Variants in KAZN observed in about 807,000 individuals in gnomAD.
KAZN encodes the protein kazrin, periplakin interacting protein, also known as kazrin.
A neutral mutation model predicts 87.4 loss-of-function variants in KAZN; 40 were observed. The observed-to-expected ratio is 0.46, with a 90% CI of 0.36 to 0.60. The LOEUF (loss-of-function observed/expected upper bound fraction) is 0.60. KAZN is among the 20% of genes least tolerant of loss of function. KAZN has a pLI of 0.00. For missense variants in KAZN, 898 were observed against 1,073.9 expected (o/e 0.84, Z 2.29); for synonymous variants, 466 against 458.3 (o/e 1.02, Z -0.22).
chr1:14,518,334 G>A (rs10927457), intron 2 of KAZN, among the ~76,000 whole-genome samples: 58,988 of 151,416 alleles, frequency 0.39, 12,266 homozygotes, highest in South Asian at 0.62. Context: ...GCACCACCAC[G>A]CCCAGCTAAT....
At position 14,384,828 on chromosome 1, in the gene KAZN, C is replaced by T. The variant is rs1165231206; in HGVS notation, c.249+204236C>T. 2.6e-5 allele frequency among the ~76,000 whole-genome samples: 4 copies of T among 151,896 alleles called. No homozygotes were observed. The East Asian group carries it at 5.8e-4, about 22-fold the overall frequency. On this transcript the variant is annotated intron_variant, in intron 2 of 16. Coordinates refer to the KAZN transcript ENST00000636203. ...TTTGGTATCAGGATGATGCTGGCCT[C>T]ATAAAATGAGTTAGGGAGGAATCCC...
At chr1:14,283,559 A>G (rs1417911047) in intron 2 of KAZN, among the ~76,000 whole-genome samples, 2 of 152,222 alleles carry the variant, frequency 1.3e-5, no homozygotes, top group African/African-American at 4.8e-5. Context: ...CACACTCACT[A>G]GGATGGTTAT....
chr1:14,050,127 T>C (rs1642256687), intron 1 of KAZN, among the ~76,000 whole-genome samples: 2 of 151,482 alleles, frequency 1.3e-5, no homozygotes, highest in Admixed American at 1.3e-4. Flanking sequence ...TGGGCATGCA[T>C]GTGCACATGT....
Position 14,399,573 on chromosome 1 carries a change from G to A in KAZN, c.250-199410G>A, listed in dbSNP as rs567705661. ...ATCCCAAGCTTTGAGATGGGCTCACGAGTCACCTGGGGGCGTGTACTGGGT... is the reference window on the plus strand; with the variant it reads ...ATCCCAAGCTTTGAGATGGGCTCACAAGTCACCTGGGGGCGTGTACTGGGT... On this transcript the variant is annotated intron_variant, in intron 2 of 16. Coordinates refer to the KAZN transcript ENST00000636203. 1.1e-4 allele frequency among the ~76,000 whole-genome samples: 17 copies of A among 152,182 alleles called. No homozygotes were observed. In the East Asian group the frequency reaches 2.5e-3, roughly 23 times the overall value.
At chr1:14,102,437 T>C (rs188178552) in intron 1 of KAZN, among the ~76,000 whole-genome samples, 2 of 151,966 alleles carry the variant, frequency 1.3e-5, no homozygotes, top group African/African-American at 4.8e-5. Context: ...CCCCTCCTGG[T>C]TGCATCTGAT....
intron 1 of KAZN, chr1:14,930,105 C>T: frequency 1.0e-6 from 1 of 984,294 alleles, no homozygotes; most frequent in Middle Eastern, 5.2e-4. Flanking sequence ...CTGGCCTAAG[C>T]AGCGGGGAGC....
At chr1:14,014,421 A>G (rs777895915) in intron 1 of KAZN, among the ~76,000 whole-genome samples, 2 of 152,048 alleles carry the variant, frequency 1.3e-5, no homozygotes, top group East Asian at 3.9e-4. Context: ...CTGGTTAAGA[A>G]GGAGAGGATG....
chr1:13,904,661 T>A (rs908414349), intron 1 of KAZN, among the ~76,000 whole-genome samples: 6 of 152,162 alleles, frequency 3.9e-5, no homozygotes, highest in African/African-American at 1.2e-4. Context: ...CTGTAGGTGA[T>A]CTCTCTTTTC....
At chr1:14,000,218 A>T (rs907634195) in intron 1 of KAZN, among the ~76,000 whole-genome samples, 14 of 152,226 alleles carry the variant, frequency 9.2e-5, no homozygotes, top group South Asian at 2.1e-4. Flanking sequence ...CATCATCCTG[A>T]TACCAAAACC....
intron 2 of KAZN, among the ~76,000 whole-genome samples, chr1:14,196,018 A>T (rs906108587): frequency 1.3e-5 from 2 of 152,184 alleles, no homozygotes; most frequent in Non-Finnish European, 2.9e-5. Context: ...AGGCCTTAAA[A>T]AACTAAGAGA....
At chr1:14,081,457 C>G (rs547052971) in intron 1 of KAZN, among the ~76,000 whole-genome samples, 6 of 152,180 alleles carry the variant, frequency 3.9e-5, no homozygotes, top group African/African-American at 9.6e-5. Context: ...GCCAATGGGT[C>G]AAATCTCATC....
At chr1:14,640,579 T>A (rs534581551) in intron 1 of KAZN, among the ~76,000 whole-genome samples, 4 of 152,304 alleles carry the variant, frequency 2.6e-5, no homozygotes, top group Admixed American at 2.6e-4. Context: ...TTTCCAGAAG[T>A]ACTCATCCAG....
chr1:14,399,615 C>T (rs1663212240), intron 2 of KAZN, among the ~76,000 whole-genome samples: 1 of 152,122 alleles, frequency 6.6e-6, no homozygotes, highest in African/African-American at 2.4e-5. Context: ...ACGTAACCAT[C>T]TCAAAACTCT....
At chr1:14,241,196 T>C (rs12024171) in intron 2 of KAZN, among the ~76,000 whole-genome samples, 41,903 of 152,128 alleles carry the variant, frequency 0.28, 6,207 homozygotes, top group East Asian at 0.48. Context: ...GTCTCCCTCA[T>C]TGGGCAGTTA....
chr1:14,102,320 A>G lies in KAZN; in HGVS notation c.92-78115A>G, dbSNP rs140505748. On this transcript the variant is annotated intron_variant, in intron 1 of 16. Transcript: ENST00000636203. ...CTGATAGAGACAGCCTGGGAAAAAA[A>G]TGGGTGATCCTAGTTCCCGCTCGCT... Among the ~76,000 whole-genome samples, 80 of 152,226 alleles carry G rather than the reference A, an allele frequency of 5.3e-4. No homozygotes were observed. The East Asian group carries it at 0.014, about 26-fold the overall frequency.
intron 1 of KAZN, among the ~76,000 whole-genome samples, chr1:14,894,631 T>C (rs1354334971): frequency 6.6e-6 from 1 of 152,254 alleles, no homozygotes; most frequent in East Asian, 1.9e-4. Flanking sequence ...ACTTAATTGC[T>C]GATTCGCAGT....
chr1:14,111,682 A>G lies in KAZN; in HGVS notation c.92-68753A>G. On this transcript the variant is annotated intron_variant, in intron 1 of 16. Transcript: ENST00000636203. ...AGCAGGGGCATTGAAAGTCCTGCAC[A>G]CCTGCGTTGTCTCTGGACTCCACAC... Among the ~76,000 whole-genome samples, 2 of 131,104 alleles carry G rather than the reference A, an allele frequency of 1.5e-5. 1 individual carries two copies. The highest frequency in any genetic ancestry group is 3.2e-5 in the Non-Finnish European group (2 of 62,080). 86.0% of individuals were successfully genotyped at this position (131,104 alleles called of 152,430 possible).
rs547653583 is a variant in KAZN, at chr1:15,007,427, G to A, written c.419-27322G>A. ...ACTACCTTTGAGGTGCAGACATTAC[G>A]GTCCCCAGTTTGGCACACTGCACTA... On this transcript the variant is annotated intron_variant, in intron 2 of 14. Transcript: ENST00000376030. 8.7e-4 allele frequency among the ~76,000 whole-genome samples: 133 copies of A among 152,332 alleles called. 1 individual carries two copies. Among genetic ancestry groups the A allele is most frequent in the African/African-American group, 3.0e-3 (126 of 41,578 alleles).
intron 1 of KAZN, among the ~76,000 whole-genome samples, chr1:14,628,291 G>A (rs1679297413): frequency 6.6e-6 from 1 of 152,158 alleles, no homozygotes; most frequent in Non-Finnish European, 1.5e-5. Context: ...AGACAAAGCA[G>A]TCTTTCAACA....
Sources: allele counts gnomAD v4.1 joint callset (sites outside exome capture counted in the v4.1 genomes callset), GRCh38; gene constraint gnomAD v4.1.1; transcripts MANE v1.5; gene names NCBI Gene and HGNC (gene_info 2026-07-23, HGNC 2026-07-21).